KCNB2: variants seen among roughly 807,000 people sequenced by gnomAD.
KCNB2 encodes the protein delayed rectifier potassium channel protein.
A neutral mutation model predicts 61.5 loss-of-function variants in KCNB2; 15 were observed. The ratio of observed to expected loss-of-function variants is 0.24; its 90% confidence interval spans 0.16 to 0.38. The LOEUF (loss-of-function observed/expected upper bound fraction) is 0.38, where lower values mean the gene tolerates loss of function less well. Ranked by LOEUF, KCNB2 falls within the 10% of genes least tolerant of loss-of-function variation. The pLI is 1.00. For missense variants in KCNB2, 828 were observed against 1,125.2 expected (o/e 0.74, Z 3.78); for synonymous variants, 457 against 446.0 (o/e 1.02, Z -0.31).
In KCNB2 at chr8:72,938,275, A is replaced by T. The variant is rs1011407851; in HGVS notation, c.*184A>T. 1 of 543,814 alleles carries T rather than the reference A, an allele frequency of 1.8e-6. No homozygotes were observed. The allele number at this position is 543,814 out of a possible 1,614,324, so 33.7% of individuals were successfully genotyped here. A position where few individuals can be genotyped will look rare whatever the true frequency, so the allele number is the denominator to read the frequency against. ...AGTACTGTTTAAATAATGAGTCAAG[A>T]CTGCATTTTGTAACAAACCAACAAA... On this transcript the variant is annotated 3_prime_UTR_variant, in exon 3 of 3. Transcript: ENST00000523207.
At chr8:72,583,874 C>T (rs1382929184) in intron 2 of KCNB2, among the ~76,000 whole-genome samples, 1 of 144,530 alleles carries the variant, frequency 6.9e-6, no homozygotes, top group Non-Finnish European at 1.5e-5. Flanking sequence ...CCTAGATACC[C>T]ATTTTTTTTA....
chr8:72,907,229 C>T (rs1407055302), intron 2 of KCNB2, among the ~76,000 whole-genome samples: 3 of 152,012 alleles, frequency 2.0e-5, no homozygotes, highest in Admixed American at 6.6e-5. Flanking sequence ...TGGTGGCACA[C>T]GCCTGTAGTT....
chr8:72,689,838 T>C (rs982765211), intron 2 of KCNB2, among the ~76,000 whole-genome samples: 1 of 152,196 alleles, frequency 6.6e-6, no homozygotes, highest in Non-Finnish European at 1.5e-5. Flanking sequence ...CTAAGAACTT[T>C]GGAATTAAAA....
At chr8:72,846,594 A>G (rs1412987177) in intron 2 of KCNB2, among the ~76,000 whole-genome samples, 1 of 152,298 alleles carries the variant, frequency 6.6e-6, no homozygotes, top group Non-Finnish European at 1.5e-5. Flanking sequence ...AAAAGTGGGC[A>G]AAGAATATGA....
intron 1 of KCNB2, among the ~76,000 whole-genome samples, chr8:72,543,654 A>T (rs1250470353): frequency 1.3e-5 from 2 of 152,228 alleles, no homozygotes; most frequent in East Asian, 3.8e-4. Flanking sequence ...TATGAACAAT[A>T]GGACTAGGGT....
chr8:72,639,237 C>G (rs971139542), intron 2 of KCNB2, among the ~76,000 whole-genome samples: 1 of 152,104 alleles, frequency 6.6e-6, no homozygotes, highest in African/African-American at 2.4e-5. Flanking sequence ...AAACCCTGGG[C>G]TGCATAACTC....
intron 2 of KCNB2, among the ~76,000 whole-genome samples, chr8:72,850,695 G>A (rs1193181356): frequency 2.0e-5 from 3 of 152,136 alleles, no homozygotes; most frequent in Non-Finnish European, 2.9e-5. Flanking sequence ...CTAGTGTGTA[G>A]AATACCAGAA....
intron 2 of KCNB2, among the ~76,000 whole-genome samples, chr8:72,891,931 T>A (rs2129005911): frequency 1.3e-5 from 2 of 152,218 alleles, no homozygotes; most frequent in East Asian, 3.9e-4. Context: ...ACTGGTCACA[T>A]GGGATTTTGA....
chr8:72,561,807 ATGAT>A (rs1437818099), intron 1 of KCNB2, among the ~76,000 whole-genome samples: 2 of 129,212 alleles, frequency 1.5e-5, no homozygotes, highest in African/African-American at 5.8e-5. Context: ...ATATATATGA[ATGAT>A]AGTTTTTAAC....
chr8:72,758,106 C>A (rs899693780), intron 2 of KCNB2, among the ~76,000 whole-genome samples: 3 of 152,112 alleles, frequency 2.0e-5, no homozygotes, highest in Non-Finnish European at 4.4e-5. Context: ...CTGCTCCGAA[C>A]AAGGCAGGAC....
At chr8:72,800,366 A>C (rs1809104595) in intron 2 of KCNB2, among the ~76,000 whole-genome samples, 4 of 152,204 alleles carry the variant, frequency 2.6e-5, no homozygotes, top group African/African-American at 9.6e-5. Context: ...CAATTCATAA[A>C]TGTTTACAGC....
At chr8:72,723,579 C>T (rs999087176) in intron 2 of KCNB2, among the ~76,000 whole-genome samples, 3 of 152,188 alleles carry the variant, frequency 2.0e-5, no homozygotes, top group African/African-American at 4.8e-5. Flanking sequence ...ACTCCCACTC[C>T]TGGGAGACCC....
At chr8:72,562,910 C>A (rs568826569) in intron 1 of KCNB2, among the ~76,000 whole-genome samples, 2 of 152,122 alleles carry the variant, frequency 1.3e-5, no homozygotes, top group African/African-American at 4.8e-5. Flanking sequence ...AAACACAATA[C>A]CCTTACCCAC....
At chr8:72,677,739 AT>A (rs1209480740) in intron 2 of KCNB2, among the ~76,000 whole-genome samples, 1 of 151,996 alleles carries the variant, frequency 6.6e-6, no homozygotes, top group Admixed American at 6.6e-5. Context: ...GGTTCCTTCC[AT>A]TTTGCTGCCC....
chr8:72,547,552 T>TGAGG (rs1806277601), intron 1 of KCNB2, among the ~76,000 whole-genome samples: 2 of 152,310 alleles, frequency 1.3e-5, no homozygotes, highest in Admixed American at 1.3e-4. Flanking sequence ...TGGATGACTT[T>TGAGG]GAGGGATTTA....
chr8:72,621,550 T>G (rs1227682990), intron 2 of KCNB2, among the ~76,000 whole-genome samples: 1 of 152,196 alleles, frequency 6.6e-6, no homozygotes, highest in African/African-American at 2.4e-5. Context: ...AATTTTTTAT[T>G]TTTAATGTTC....
chr8:72,539,520 G>T (rs568589226), intron 1 of KCNB2, among the ~76,000 whole-genome samples: 2 of 152,240 alleles, frequency 1.3e-5, no homozygotes, highest in East Asian at 1.9e-4. Context: ...TTTGGAGAAA[G>T]AACTTGGCAG....
intron 1 of KCNB2, among the ~76,000 whole-genome samples, chr8:72,560,429 G>A: frequency 6.6e-6 from 1 of 152,150 alleles, no homozygotes; most frequent in East Asian, 1.9e-4. Context: ...TGAAGTTCGT[G>A]ATTTATTTTT....
chr8:72,736,089 T>C (rs1029510045), intron 2 of KCNB2, among the ~76,000 whole-genome samples: 2 of 152,126 alleles, frequency 1.3e-5, no homozygotes, highest in Non-Finnish European at 2.9e-5. Flanking sequence ...ACACCAAAAC[T>C]CACTTGACAG....
Sources: allele counts gnomAD v4.1 joint callset (sites outside exome capture counted in the v4.1 genomes callset), GRCh38; gene constraint gnomAD v4.1.1; transcripts MANE v1.5; gene names NCBI Gene and HGNC (gene_info 2026-07-23, HGNC 2026-07-21).